Variants in TTC28 observed in about 807,000 individuals in gnomAD.
TTC28 encodes tetratricopeptide repeat domain 28.
In TTC28, 61 loss-of-function variants were observed where a neutral mutation model predicts 198.0. The observed-to-expected ratio is 0.31, with a 90% CI of 0.25 to 0.38. TTC28 has a LOEUF of 0.38. Among genes scored for constraint, TTC28 ranks in the 10% least tolerant of loss-of-function variants. The pLI, the probability that TTC28 is intolerant of heterozygous loss-of-function variation, is 1.00. For missense variants in TTC28, 2,678 were observed against 3,164.0 expected (o/e 0.85, Z 3.69); for synonymous variants, 1,171 against 1,297.8 (o/e 0.90, Z 2.10).
At chr22:28,159,294 T>C (rs1050530058) in intron 6 of TTC28, among the ~76,000 whole-genome samples, 3 of 152,128 alleles carry the variant, frequency 2.0e-5, no homozygotes, top group Non-Finnish European at 4.4e-5. Flanking sequence ...TAGCACACTG[T>C]TGGTGGGAGT....
chr22:28,244,959 T>A (rs1358795400), intron 5 of TTC28, among the ~76,000 whole-genome samples: 2 of 152,180 alleles, frequency 1.3e-5, no homozygotes, highest in Admixed American at 1.3e-4. Flanking sequence ...CCAGCCTTCA[T>A]GTTGCTTGTG....
intron 5 of TTC28, among the ~76,000 whole-genome samples, chr22:28,220,787 A>C (rs1927794015): frequency 1.3e-5 from 2 of 152,222 alleles, no homozygotes; most frequent in Admixed American, 1.3e-4. Flanking sequence ...GCATGAAGAA[A>C]GGCAGGAATC....
chr22:28,058,504 A>G (rs1441236488), intron 12 of TTC28, among the ~76,000 whole-genome samples: 2 of 152,130 alleles, frequency 1.3e-5, no homozygotes, highest in Non-Finnish European at 2.9e-5. Context: ...CTACATGGTC[A>G]TGCTATATTT....
chr22:28,265,033 G>A (rs1375680243), intron 5 of TTC28, among the ~76,000 whole-genome samples: 1 of 152,034 alleles, frequency 6.6e-6, no homozygotes, highest in East Asian at 1.9e-4. Context: ...TGAAAATAAG[G>A]CAATATGTAA....
chr22:28,010,121 G>A (rs1041480218), intron 14 of TTC28, among the ~76,000 whole-genome samples: 2 of 152,142 alleles, frequency 1.3e-5, no homozygotes, highest in Admixed American at 6.5e-5. Flanking sequence ...GGGTTCAGGG[G>A]CCCCTTCACA....
At chr22:28,532,382 C>G (rs780217906) in intron 2 of TTC28, among the ~76,000 whole-genome samples, 1 of 152,134 alleles carries the variant, frequency 6.6e-6, no homozygotes, top group African/African-American at 2.4e-5. Flanking sequence ...CTGAATACAC[C>G]AATAACATGC....
intron 2 of TTC28, among the ~76,000 whole-genome samples, chr22:28,609,041 T>TG (rs776935048): frequency 4.0e-5 from 6 of 151,606 alleles, no homozygotes; most frequent in Non-Finnish European, 8.8e-5. Context: ...GCCCATACAC[T>TG]GGGGGAAAAA....
intron 2 of TTC28, among the ~76,000 whole-genome samples, chr22:28,309,601 C>A (rs16986290): frequency 6.6e-6 from 1 of 152,150 alleles, no homozygotes; most frequent in South Asian, 2.1e-4. Context: ...CTTATTATCA[C>A]AGGTCTCACA....
At chr22:28,526,854 A>G (rs2049013970) in intron 2 of TTC28, among the ~76,000 whole-genome samples, 1 of 151,816 alleles carries the variant, frequency 6.6e-6, no homozygotes, top group African/African-American at 2.4e-5. Context: ...CCTCCCAGGT[A>G]CAAGTGATTC....
At chr22:28,502,673 G>A (rs1037642069) in intron 2 of TTC28, among the ~76,000 whole-genome samples, 5 of 151,644 alleles carry the variant, frequency 3.3e-5, no homozygotes, top group East Asian at 1.9e-4. Flanking sequence ...GAAAGAAAAC[G>A]TAGAGGCAGC....
intron 2 of TTC28, among the ~76,000 whole-genome samples, chr22:28,338,171 C>T (rs939659015): frequency 8.5e-5 from 13 of 152,214 alleles, no homozygotes; most frequent in African/African-American, 1.4e-4. Context: ...AACTGGCCCC[C>T]ACTCTCTTCT....
At chr22:28,145,536 T>C (rs1188702375) in intron 6 of TTC28, among the ~76,000 whole-genome samples, 1 of 152,128 alleles carries the variant, frequency 6.6e-6, no homozygotes, top group East Asian at 1.9e-4. Flanking sequence ...ATTTGGATTA[T>C]TTTATGGATC....
intron 2 of TTC28, among the ~76,000 whole-genome samples, chr22:28,515,689 C>A (rs1406910477): frequency 6.8e-6 from 1 of 147,664 alleles, no homozygotes; most frequent in Non-Finnish European, 1.5e-5. Flanking sequence ...TACCAGCTAG[C>A]CACTATACAT....
chr22:28,529,793 G>C (rs1477221863), intron 2 of TTC28, among the ~76,000 whole-genome samples: 1 of 152,136 alleles, frequency 6.6e-6, no homozygotes, highest in African/African-American at 2.4e-5. Flanking sequence ...AGGCAAACAG[G>C]GTCTGGAGTG....
chr22:28,265,877 T>C (rs556239557), intron 5 of TTC28, among the ~76,000 whole-genome samples: 21 of 152,112 alleles, frequency 1.4e-4, no homozygotes, highest in Non-Finnish European at 2.9e-4. Flanking sequence ...GGGATGGCAA[T>C]ACTTATTACA....
chr22:28,474,044 C>A (rs1046008892), intron 2 of TTC28, among the ~76,000 whole-genome samples: 28 of 152,234 alleles, frequency 1.8e-4, no homozygotes, highest in African/African-American at 5.8e-4. Context: ...TCTATTAATA[C>A]CCTGCTAAAA....
intron 5 of TTC28, among the ~76,000 whole-genome samples, chr22:28,221,600 C>A (rs1279686200): frequency 6.6e-6 from 1 of 152,152 alleles, no homozygotes; most frequent in East Asian, 1.9e-4. Flanking sequence ...GTCTTGTCCC[C>A]CTGCATGCTT....
intron 2 of TTC28, among the ~76,000 whole-genome samples, chr22:28,568,869 A>T (rs144191586): frequency 1.3e-5 from 2 of 152,286 alleles, no homozygotes; most frequent in East Asian, 3.9e-4. Context: ...CACATGGGCC[A>T]GGCACGGTGA....
chr22:28,548,584 C>T (rs1003202361), intron 2 of TTC28, among the ~76,000 whole-genome samples: 2 of 152,222 alleles, frequency 1.3e-5, no homozygotes, highest in African/African-American at 2.4e-5. Context: ...TCTGTCAAAC[C>T]ATCTGAGCAA....
Sources: gnomAD v4.1 joint callset for allele counts (sites outside exome capture counted in the v4.1 genomes callset) on GRCh38, gnomAD v4.1.1 for gene constraint, MANE v1.5 for transcripts, NCBI Gene and HGNC (gene_info 2026-07-23, HGNC 2026-07-21) for gene names.